PRH1: variants seen among roughly 807,000 people sequenced by gnomAD.
PRH1 encodes the protein salivary acidic proline-rich phosphoprotein 1/2.
In PRH1, 7 loss-of-function variants were observed where a neutral mutation model predicts 7.9. The ratio of observed to expected loss-of-function variants is 0.89; its 90% CI spans 0.50 to 1.67. The LOEUF (loss-of-function observed/expected upper bound fraction) is 1.67. PRH1 is among the 40% of genes most tolerant of loss of function. The probability of loss-of-function intolerance (pLI) is 0.00; values close to 1 mark genes in which losing one functional copy is unlikely to be tolerated. For synonymous variants in PRH1, 45 were observed against 80.8 expected (o/e 0.56, Z 2.38); for missense variants, 109 against 223.6 (o/e 0.49, Z 3.27).
intron 1 of PRH1, among the ~76,000 whole-genome samples, chr12:11,096,959 G>A (rs1204358668): frequency 8.9e-6 from 1 of 112,784 alleles, no homozygotes; most frequent in Non-Finnish European, 2.1e-5. Context: ...CACCACGCTC[G>A]GCTAATTTTT....
chr12:11,042,623 C>CTTTTTTTTTGTTTTTTTT (rs1942752593), intron 1 of PRH1, among the ~76,000 whole-genome samples: 1 of 79,320 alleles, frequency 1.3e-5, no homozygotes, highest in Non-Finnish European at 2.3e-5. Flanking sequence ...CAGGCTCATT[C>CTTTTTTTTTGTTTTTTTT]TTTTTTTTTT....
Position 10,922,825 on chromosome 12 carries a change from C to CTTT in PRH1, c.-58-38553_-58-38551dup, listed in dbSNP as rs139253542. On this transcript the variant is annotated intron_variant, in intron 2 of 3. Transcript: ENST00000539853. ...ATTGCATCTTTTCCATGAATTTTTT[C>CTTT]TTTTTCTTTTTTTTGAGACGGAGTC... is the stretch of plus-strand genomic sequence containing the variant. 3.0e-3 allele frequency among the ~76,000 whole-genome samples: 341 copies of CTTT among 113,564 alleles called. 48 individuals carry two copies. The highest frequency in any genetic ancestry group is 3.4e-3 in the Non-Finnish European group (194 of 57,046). 74.5% of individuals were successfully genotyped at this position (113,564 alleles called of 152,430 possible). A position where few individuals can be genotyped will look rare whatever the true frequency, so the allele number is the denominator to read the frequency against.
intron 2 of PRH1, among the ~76,000 whole-genome samples, chr12:10,971,180 A>G (rs773640039): frequency 6.7e-6 from 1 of 148,564 alleles, no homozygotes; most frequent in Non-Finnish European, 1.5e-5. Flanking sequence ...TGTTGATCCC[A>G]TTCTCCTCTT....
chr12:11,001,092 G>T (rs1040691970), intron 1 of PRH1, among the ~76,000 whole-genome samples: 3 of 151,774 alleles, frequency 2.0e-5, no homozygotes, highest in Non-Finnish European at 2.9e-5. Context: ...TAGAATAAAA[G>T]CTTGGTCTAC....
At chr12:10,985,462 G>C (rs1939565215) in intron 1 of PRH1, among the ~76,000 whole-genome samples, 1 of 152,082 alleles carries the variant, frequency 6.6e-6, no homozygotes, top group Admixed American at 6.5e-5. Flanking sequence ...TTAGAATTGA[G>C]TGTGCTTACT....
intron 1 of PRH1, among the ~76,000 whole-genome samples, chr12:11,053,029 T>A (rs1319588610): frequency 1.3e-5 from 2 of 152,292 alleles, no homozygotes; most frequent in Non-Finnish European, 2.9e-5. Flanking sequence ...GTGTTAGAAT[T>A]TACCTTCAAT....
At chr12:11,061,254 T>G (rs1943587279) in intron 1 of PRH1, 1 of 1,468,680 alleles carries the variant, frequency 6.8e-7, no homozygotes, top group Non-Finnish European at 9.1e-7. Context: ...AGGTACATGC[T>G]TGAAAGTTAT....
At position 11,092,724 on chromosome 12, in the gene PRH1, A is replaced by G. The variant is rs1203284549; in HGVS notation, n.124-45536T>C. ...CTTCAGAAACGTTCTCCAAGTCCCC[A>G]CAAGATTCAGGAAGTATAGCTGGCT... On this transcript the variant is annotated intron_variant and non_coding_transcript_variant, in intron 1 of 4. Transcript: ENST00000541977. Among the ~76,000 whole-genome samples, 10 of 115,880 alleles carry G rather than the reference A, an allele frequency of 8.6e-5. 3 individuals carry two copies. Among genetic ancestry groups the G allele is most frequent in the Admixed American group, 4.3e-4 (5 of 11,574 alleles). 76.0% of individuals were successfully genotyped at this position (115,880 alleles called of 152,430 possible). A position where few individuals can be genotyped will look rare whatever the true frequency, so the allele number is the denominator to read the frequency against.
intron 2 of PRH1, among the ~76,000 whole-genome samples, chr12:10,940,377 G>A (rs1950379446): frequency 1.3e-5 from 2 of 152,146 alleles, no homozygotes; most frequent in African/African-American, 4.8e-5. Flanking sequence ...AGACTTGCAA[G>A]TTTATATTAA....
intron 2 of PRH1, chr12:10,895,254 T>C (rs1395678355): frequency 6.6e-6 from 1 of 152,184 alleles, no homozygotes; most frequent in Non-Finnish European, 1.5e-5. Flanking sequence ...TTCATCTGCC[T>C]GGTGTGGCTC....
At chr12:11,152,165 T>C (rs1383743661) in intron 1 of PRH1, among the ~76,000 whole-genome samples, 1 of 151,704 alleles carries the variant, frequency 6.6e-6, no homozygotes, top group African/African-American at 2.4e-5. Context: ...ATGTGCCATG[T>C]TGGTGTGCAG....
At chr12:10,906,463 A>T (rs956630782) in intron 2 of PRH1, among the ~76,000 whole-genome samples, 2 of 152,248 alleles carry the variant, frequency 1.3e-5, no homozygotes, top group Non-Finnish European at 2.9e-5. Flanking sequence ...TTTATAAAAC[A>T]TATGTCTGAT....
intron 1 of PRH1, among the ~76,000 whole-genome samples, chr12:11,101,626 A>C (rs1159727097): frequency 6.6e-6 from 1 of 152,234 alleles, no homozygotes; most frequent in Non-Finnish European, 1.5e-5. Flanking sequence ...TACACTTAGA[A>C]ATGTACTTTA....
intron 1 of PRH1, among the ~76,000 whole-genome samples, chr12:11,055,350 T>C (rs1244432465): frequency 1.3e-5 from 2 of 152,208 alleles, no homozygotes; most frequent in Non-Finnish European, 2.9e-5. Flanking sequence ...GTAGTAAACA[T>C]ACCATGTCTG....
At chr12:11,044,644 T>C (rs1942841490) in intron 1 of PRH1, among the ~76,000 whole-genome samples, 1 of 152,080 alleles carries the variant, frequency 6.6e-6, no homozygotes, top group African/African-American at 2.4e-5. Flanking sequence ...AAGATTTGAA[T>C]ATGCATTTCT....
intron 1 of PRH1, chr12:11,022,593 C>CA (rs1394919529): frequency 6.5e-7 from 1 of 1,548,768 alleles, no homozygotes; most frequent in Non-Finnish European, 8.8e-7. Flanking sequence ...TAAAAAAATG[C>CA]AGGCTTAGTA....
intron 1 of PRH1, chr12:11,030,243 A>G: frequency 4.6e-6 from 5 of 1,087,056 alleles, no homozygotes; most frequent in Non-Finnish European, 6.3e-6. Flanking sequence ...ACATATATAT[A>G]TTTTTTTTTC....
chr12:11,132,460 T>G (rs1946383714), intron 1 of PRH1, among the ~76,000 whole-genome samples: 1 of 152,246 alleles, frequency 6.6e-6, no homozygotes, highest in Non-Finnish European at 1.5e-5. Context: ...GAAAAAATAC[T>G]AAAATAATTT....
intron 2 of PRH1, among the ~76,000 whole-genome samples, chr12:10,933,379 G>GT (rs1395883578): frequency 6.6e-6 from 1 of 151,912 alleles, no homozygotes; most frequent in Non-Finnish European, 1.5e-5. Context: ...CAGTCCTTTA[G>GT]TATGCTGATT....
Sources: allele counts gnomAD v4.1 joint callset (sites outside exome capture counted in the v4.1 genomes callset), GRCh38; gene constraint gnomAD v4.1.1; transcripts MANE v1.5; gene names NCBI Gene and HGNC (gene_info 2026-07-23, HGNC 2026-07-21).